The following PIK3CG variants were observed in gnomAD, a reference collection of about 807,000 sequenced individuals.
PIK3CG encodes the protein phosphatidylinositol 4,5-bisphosphate 3-kinase catalytic subunit gamma isoform.
Under a neutral mutation model 102.3 loss-of-function variants are expected in PIK3CG, and 55 were observed. The ratio of observed to expected loss-of-function variants is 0.54; its 90% CI spans 0.43 to 0.67. The LOEUF (loss-of-function observed/expected upper bound fraction) is 0.67, where lower values mean the gene tolerates loss of function less well. Ranked by LOEUF, PIK3CG falls within the 30% of genes least tolerant of loss-of-function variation. The pLI is 0.00. For synonymous variants in PIK3CG, 552 were observed against 540.0 expected (o/e 1.02, Z -0.31); for missense variants, 1,258 against 1,391.8 (o/e 0.90, Z 1.53).
chr7:106,890,416 C>T lies in PIK3CG; in HGVS notation c.3030+4124C>T, dbSNP rs1374616492. 2.6e-5 allele frequency among the ~76,000 whole-genome samples: 4 copies of T among 152,204 alleles called. No individual in the cohort carries two copies. Among genetic ancestry groups the T allele is most frequent in the Admixed American group, 2.6e-4 (4 of 15,276 alleles). On this transcript the variant is annotated intron_variant, in intron 10 of 10. Coordinates refer to ENST00000496166, the MANE Select transcript of PIK3CG (RefSeq NM_001282426.2). This position sits in a 1 kb window ranked among gnomAD's most constrained non-coding sequence, Gnocchi z 4.2. ...CAGGATGGTCTCAATCTCCTGACCT[C>T]GTGATCCGGCTGCCTCAGCCTCCCA... is the stretch of plus-strand genomic sequence containing the variant.
rs776632717 is a variant in PIK3CG at position 106,905,294 on chromosome 7, C to A, written c.3216C>A (p.Ile1072=). The change falls in exon 11 of 11, where the codon ATC becomes ATA. Residue 1072 remains isoleucine (I), a synonymous_variant. Coordinates refer to ENST00000496166, the MANE Select transcript of PIK3CG (RefSeq NM_001282426.2). This position sits in a 1 kb window ranked among gnomAD's most constrained non-coding sequence, Gnocchi z 5.6. The stretch of plus-strand genomic sequence containing the variant: ...CTAAAAAGTATTTTCTTGATCAGAT[C>A]GAAGTTTGCAGAGACAAAGGATGGA... The part of the protein sequence containing the change: ...EDAKKYFLDQ[I]EVCRDKGWTV... 6.2e-7 allele frequency: 1 copy of A among 1,614,054 alleles called. No homozygotes were observed. Among genetic ancestry groups the A allele is most frequent in the Non-Finnish European group, 8.5e-7 (1 of 1,179,970 alleles).
intron 1 of PIK3CG, among the ~76,000 whole-genome samples, chr7:106,866,589 CATT>C (rs1219637725): frequency 6.6e-5 from 10 of 152,140 alleles, no homozygotes; most frequent in Non-Finnish European, 1.5e-4. Flanking sequence ...GTAGCTCCTC[CATT>C]ATTAAGTAGA....
intron 10 of PIK3CG, among the ~76,000 whole-genome samples, chr7:106,904,572 A>G (rs1460959700): frequency 2.0e-5 from 3 of 152,256 alleles, no homozygotes; most frequent in Admixed American, 1.3e-4. Flanking sequence ...AATTTGTATT[A>G]AAATTTCAAA....
chr7:106,879,784 C>A lies in PIK3CG; in HGVS notation c.2538+119C>A. On this transcript the variant is annotated intron_variant, in intron 6 of 10. Coordinates refer to ENST00000496166, the MANE Select transcript of PIK3CG (RefSeq NM_001282426.2). This position sits in a 1 kb window ranked among gnomAD's most constrained non-coding sequence, Gnocchi z 4.9. ...CTTCTTTCAAGTGATGAATTGTGAT[C>A]AAATATTACATCATAGAGAGTTTTC... The A allele has an allele frequency of 1.3e-6, 1 of 747,282 alleles. No homozygotes were observed. Among genetic ancestry groups the A allele is most frequent in the South Asian group, 1.8e-5 (1 of 55,114 alleles). The allele number at this position is 747,282 out of a possible 1,614,324, so 46.3% of individuals were successfully genotyped here.
rs192778257 is a variant in PIK3CG, at chr7:106,879,104, A to G, written c.2392-415A>G. Among the ~76,000 whole-genome samples the G allele has an allele frequency of 6.6e-6, 1 of 152,300 alleles. No individual in the cohort carries two copies. The highest frequency in any genetic ancestry group is 1.9e-4 in the East Asian group (1 of 5,188). On this transcript the variant is annotated intron_variant, in intron 5 of 10. Coordinates refer to ENST00000496166, the MANE Select transcript of PIK3CG (RefSeq NM_001282426.2). This position sits in a 1 kb window ranked among gnomAD's most constrained non-coding sequence, Gnocchi z 4.9. ...CTATTGCATCTGATTCTGCAATAATAGTTTTTTTGACATTGTGGTAGCATT... is the reference window on the plus strand; with the variant it reads ...CTATTGCATCTGATTCTGCAATAATGGTTTTTTTGACATTGTGGTAGCATT...
In PIK3CG at chr7:106,892,335, C is replaced by G. The variant is rs144283799; in HGVS notation, c.3030+6043C>G. On this transcript the variant is annotated intron_variant, in intron 10 of 10. Coordinates refer to ENST00000496166, the MANE Select transcript of PIK3CG (RefSeq NM_001282426.2). This position sits in a 1 kb window ranked among gnomAD's most constrained non-coding sequence, Gnocchi z 5.2. ...GCTCTAGCCTGTTATAGTTACCAGGCCTTATTCACCATATCCAAAATAGGA... is the reference window on the plus strand; with the variant it reads ...GCTCTAGCCTGTTATAGTTACCAGGGCTTATTCACCATATCCAAAATAGGA... Among the ~76,000 whole-genome samples, 61 of 152,310 alleles carry G rather than the reference C, an allele frequency of 4.0e-4. No homozygotes were observed. The highest frequency in any genetic ancestry group is 1.2e-3 in the African/African-American group (49 of 41,574).
rs1790561788 is a variant in PIK3CG, at chr7:106,872,398, C to G, written c.1996-139C>G. ...GTGTCCTCTAACAGACAGGATTAAA[C>G]TTAAGTGACTGTTAAGATTTTCATC... On this transcript the variant is annotated intron_variant, in intron 2 of 10. Coordinates refer to ENST00000496166, the MANE Select transcript of PIK3CG (RefSeq NM_001282426.2). The surrounding 1 kb of genome is among the most constrained non-coding windows in gnomAD (Gnocchi z 5.3). The G allele has an allele frequency of 1.4e-6, 1 of 704,382 alleles. No homozygotes were observed. The allele number at this position is 704,382 out of a possible 1,614,324, so 43.6% of individuals were successfully genotyped here. A position where few individuals can be genotyped will look rare whatever the true frequency, so the allele number is the denominator to read the frequency against.
In PIK3CG at chr7:106,891,246, T is replaced by C. The variant is rs945848788; in HGVS notation, c.3030+4954T>C. Among the ~76,000 whole-genome samples, 5 of 152,194 alleles carry C rather than the reference T, an allele frequency of 3.3e-5. No homozygotes were observed. The highest frequency in any genetic ancestry group is 7.3e-5 in the Non-Finnish European group (5 of 68,044). ...GGTGTCTTCCTTCCATATCATACAT[T>C]GTATTCTGTGAGTTTCACAATAACT... On this transcript the variant is annotated intron_variant, in intron 10 of 10. Transcript: ENST00000496166. This position sits in a 1 kb window ranked among gnomAD's most constrained non-coding sequence, Gnocchi z 4.4.
chr7:106,898,352 T>G (rs994430934), intron 10 of PIK3CG, among the ~76,000 whole-genome samples: 1 of 152,256 alleles, frequency 6.6e-6, no homozygotes, highest in Non-Finnish European at 1.5e-5. Context: ...CTTGATAATT[T>G]ATTTTGCTGT....
Position 106,891,520 on chromosome 7 carries a change from A to G in PIK3CG, c.3030+5228A>G, listed in dbSNP as rs959957428. 6.6e-6 allele frequency among the ~76,000 whole-genome samples: 1 copy of G among 152,232 alleles called. No homozygotes were observed. Among genetic ancestry groups the G allele is most frequent in the African/African-American group, 2.4e-5 (1 of 41,454 alleles). On this transcript the variant is annotated intron_variant, in intron 10 of 10. Transcript: ENST00000496166. The surrounding 1 kb of genome is among the most constrained non-coding windows in gnomAD (Gnocchi z 4.4). Reference sequence around the variant, plus strand: ...TTGCCAAGAGAACAGGGCATGGAGTATATACACATAGTGTACATTCAATAC... The same window carrying G: ...TTGCCAAGAGAACAGGGCATGGAGTGTATACACATAGTGTACATTCAATAC...
In PIK3CG at chr7:106,874,083, C is replaced by T. The variant is rs971125690; in HGVS notation, c.2288-617C>T. Among the ~76,000 whole-genome samples the T allele has an allele frequency of 2.6e-5, 4 of 152,084 alleles. No homozygotes were observed. The East Asian group carries it at 7.7e-4, about 29-fold the overall frequency. ...TCTCCCTTTGATTCTTACAATGCTTCCTCCTAAAAATGATGATGGTAATAA... is the reference window on the plus strand; with the variant it reads ...TCTCCCTTTGATTCTTACAATGCTTTCTCCTAAAAATGATGATGGTAATAA... On this transcript the variant is annotated intron_variant, in intron 4 of 10. Transcript: ENST00000496166. This position sits in a 1 kb window ranked among gnomAD's most constrained non-coding sequence, Gnocchi z 4.3.
chr7:106,887,887 T>TA (rs1357143708), intron 10 of PIK3CG, among the ~76,000 whole-genome samples: 1 of 147,946 alleles, frequency 6.8e-6, no homozygotes, highest in Non-Finnish European at 1.5e-5. Context: ...AACTGCAACT[T>TA]AAAGATCAGA....
intron 6 of PIK3CG, among the ~76,000 whole-genome samples, chr7:106,881,622 G>A (rs1022721145): frequency 1.3e-5 from 2 of 152,080 alleles, no homozygotes; most frequent in East Asian, 1.9e-4. Flanking sequence ...CAAGGTGGGC[G>A]GATCACTTGA....
At position 106,905,550 on chromosome 7, in the gene PIK3CG, A is replaced by G. The variant is rs1412698266; in HGVS notation, c.*163A>G. On this transcript the variant is annotated 3_prime_UTR_variant, in exon 11 of 11. Transcript: ENST00000496166. This position sits in a 1 kb window ranked among gnomAD's most constrained non-coding sequence, Gnocchi z 5.6. ...TCTTCCCTGGAGAAAAGATGTTGGC[A>G]TTGCTGATTGTTTGGTTAAGCAATG... 1 of 661,304 alleles carries G rather than the reference A, an allele frequency of 1.5e-6. No homozygotes were observed. The highest frequency in any genetic ancestry group is 2.5e-6 in the Non-Finnish European group (1 of 393,598). 41.0% of individuals were successfully genotyped at this position (661,304 alleles called of 1,614,324 possible).
rs28763991 is a variant in PIK3CG, at chr7:106,882,147, A to G, written c.2569A>G (p.Thr857Ala). 67,843 of 1,567,116 alleles carry G rather than the reference A, an allele frequency of 0.043. 1,930 individuals are homozygous for G. The highest frequency in any genetic ancestry group is 0.09 in the Middle Eastern group (527 of 5,886). ...ILRIMESIWE[T>A]ESLDLCLLPY... is the part of the protein sequence containing the mutation. Reference sequence around the variant, plus strand: ...ACGAATCATGGAGTCTATTTGGGAGACTGAATCTTTGGATCTATGCCTCCT... The same window carrying G: ...ACGAATCATGGAGTCTATTTGGGAGGCTGAATCTTTGGATCTATGCCTCCT... The change falls in exon 7 of 11, where the codon ACT (threonine) becomes GCT (alanine). Residue 857 changes from threonine to alanine, a missense_variant. Transcript: ENST00000496166.
chr7:106,873,203 C>G (rs1790601341), intron 4 of PIK3CG, among the ~76,000 whole-genome samples: 1 of 152,168 alleles, frequency 6.6e-6, no homozygotes. Context: ...TTTTTAAGAA[C>G]AGTTGCATAC....
rs1790323725 is a variant in PIK3CG at position 106,867,425 on chromosome 7, A to C, written c.-12-125A>C. 4.7e-6 allele frequency: 4 copies of C among 843,938 alleles called. No homozygotes were observed. The highest frequency in any genetic ancestry group is 7.5e-6 in the Non-Finnish European group (4 of 536,832). 52.3% of individuals were successfully genotyped at this position (843,938 alleles called of 1,614,324 possible). On this transcript the variant is annotated intron_variant, in intron 1 of 10. Transcript: ENST00000496166. The surrounding 1 kb of genome is among the most constrained non-coding windows in gnomAD (Gnocchi z 5.1). ...GGCTGTAGTGCTTCCAGTTTAAAAT[A>C]CTTGGTCCCTCTGGGTCCCTGTGCA...
chr7:106,866,556 C>T (rs1340224811), intron 1 of PIK3CG, among the ~76,000 whole-genome samples: 1 of 152,030 alleles, frequency 6.6e-6, no homozygotes, highest in Non-Finnish European at 1.5e-5. Context: ...TCACTGGAGT[C>T]CAGAAATCCT....
chr7:106,871,838 G>A (rs1023018515), intron 2 of PIK3CG, among the ~76,000 whole-genome samples: 1 of 152,118 alleles, frequency 6.6e-6, no homozygotes, highest in Non-Finnish European at 1.5e-5. Context: ...TCTAACATCA[G>A]CCAAGTGATA....
Sources: gnomAD v4.1 joint callset for allele counts (sites outside exome capture counted in the v4.1 genomes callset) on GRCh38, gnomAD v4.1.1 for gene constraint, Gnocchi (gnomAD v3.1) non-coding constraint, MANE v1.5 for transcripts, NCBI Gene and HGNC (gene_info 2026-07-23, HGNC 2026-07-21) for gene names.